SFI1: variants seen among roughly 807,000 people sequenced by gnomAD.
SFI1 encodes protein SFI1 homolog.
A neutral mutation model predicts 207.5 loss-of-function variants in SFI1; 195 were observed. That is an observed-to-expected ratio of 0.94 (90% confidence interval 0.84 to 1.06). The LOEUF (loss-of-function observed/expected upper bound fraction) is 1.06. SFI1 is among the 50% of genes least tolerant of loss of function. The pLI is 0.00. For synonymous variants in SFI1, 630 were observed against 598.9 expected (o/e 1.05, Z -0.76); for missense variants, 1,634 against 1,588.0 (o/e 1.03, Z -0.49).
intron 24 of SFI1, chr22:31,612,075 T>C: frequency 8.0e-7 from 1 of 1,246,286 alleles, no homozygotes; most frequent in Non-Finnish European, 1.0e-6. Flanking sequence ...TACAGTGTTG[T>C]ATTAAAAAAT....
At chr22:31,555,266 T>C (rs2148122520) in intron 6 of SFI1, among the ~76,000 whole-genome samples, 1 of 152,194 alleles carries the variant, frequency 6.6e-6, no homozygotes. Context: ...GGTGGGAAGA[T>C]TGCTTGGGCC....
At position 31,556,928 on chromosome 22, in the gene SFI1, T is replaced by C. The variant is rs1313797920; in HGVS notation, c.545-14T>C. 6.4e-7 allele frequency: 1 copy of C among 1,571,520 alleles called. No homozygotes were observed. Among genetic ancestry groups the C allele is most frequent in the Admixed American group, 1.8e-5 (1 of 55,618 alleles). On this transcript the variant is annotated splice_polypyrimidine_tract_variant and intron_variant, in intron 6 of 32. Coordinates refer to ENST00000400288, the MANE Select transcript of SFI1 (RefSeq NM_001007467.3). ...CTCCCCATGCCTTTTGAAAAATCTC[T>C]TTGGTGAATCTAGATGCAAAGCAAA... is the stretch of plus-strand genomic sequence containing the variant.
chr22:31,533,897 T>C (rs1430742631), intron 4 of SFI1, among the ~76,000 whole-genome samples: 4 of 152,196 alleles, frequency 2.6e-5, no homozygotes, highest in Non-Finnish European at 5.9e-5. Flanking sequence ...GAAGTTATAT[T>C]CTGTTTTACT....
rs12166571 is a variant in SFI1 at position 31,545,569 on chromosome 22, A to T, written c.339-1292A>T. On this transcript the variant is annotated intron_variant, in intron 4 of 32. Coordinates refer to ENST00000400288, the MANE Select transcript of SFI1 (RefSeq NM_001007467.3). ...TTTTTAATTTAATTTAATTTAATTT[A>T]ATTTAATTTAATTTAATTTTATTTT... is the stretch of plus-strand genomic sequence containing the variant. Among the ~76,000 whole-genome samples the T allele has an allele frequency of 9.8e-4, 91 of 92,622 alleles. No homozygotes were observed. In the East Asian group the frequency reaches 0.032, roughly 33 times the overall value. 60.8% of individuals were successfully genotyped at this position (92,622 alleles called of 152,430 possible). A position where few individuals can be genotyped will look rare whatever the true frequency, so the allele number is the denominator to read the frequency against.
At position 31,575,227 on chromosome 22, in the gene SFI1, G is replaced by A. The variant is rs1379098092; in HGVS notation, c.923-4G>A. ...GTAGCACTTAAGTTATTTCTCTGTT[G>A]CAGAGATGGCTGAGCGATTCCATCA... On this transcript the variant is annotated splice_region_variant and splice_polypyrimidine_tract_variant and intron_variant, in intron 9 of 32. Coordinates refer to ENST00000400288, the MANE Select transcript of SFI1 (RefSeq NM_001007467.3). 7 of 1,604,792 alleles carry A rather than the reference G, an allele frequency of 4.4e-6. 1 individual carries two copies. The South Asian group carries it at 7.8e-5, about 18-fold the overall frequency.
chr22:31,522,968 A>G (rs993093157), intron 2 of SFI1, among the ~76,000 whole-genome samples: 2 of 152,080 alleles, frequency 1.3e-5, no homozygotes, highest in African/African-American at 4.8e-5. Flanking sequence ...TCCTTTTTAT[A>G]GCTCTATAAT....
In SFI1 at chr22:31,589,623, C is replaced by A. The variant is rs752568857; in HGVS notation, c.1544+46C>A. Reference sequence around the variant, plus strand: ...CTGCACTGGGGCAGGTGTTTCAAATCTAACTCTGACAACCACACAGCCCAT... The same window carrying A: ...CTGCACTGGGGCAGGTGTTTCAAATATAACTCTGACAACCACACAGCCCAT... On this transcript the variant is annotated intron_variant, in intron 15 of 32. Coordinates refer to ENST00000400288, the MANE Select transcript of SFI1 (RefSeq NM_001007467.3). The A allele has an allele frequency of 4.4e-6, 7 of 1,573,986 alleles. No individual in the cohort carries two copies. The South Asian group carries it at 8.2e-5, about 18-fold the overall frequency.
chr22:31,610,159 C>T (rs2069823527), intron 22 of SFI1, among the ~76,000 whole-genome samples: 1 of 152,116 alleles, frequency 6.6e-6, no homozygotes. Flanking sequence ...CCTTGGCAGG[C>T]CAAGGGTGGG....
intron 4 of SFI1, among the ~76,000 whole-genome samples, chr22:31,545,737 T>A (rs959459957): frequency 2.0e-5 from 3 of 150,576 alleles, no homozygotes; most frequent in Non-Finnish European, 4.4e-5. Context: ...TGCACCACCA[T>A]GCCTGGCTAA....
In SFI1 at chr22:31,613,450, G is replaced by C; in HGVS notation, c.2662G>C (p.Glu888Gln). Residue 888 changes from glutamate to glutamine, a missense_variant, in exon 26 of 33, where the codon GAG (glutamate) becomes CAG (glutamine). Glu to Gln is a conservative substitution (Grantham distance 29). Transcript: ENST00000400288. ...LQAYQGQLLQ[E>Q]GATRLLRFAA... is the part of the protein sequence containing the mutation. ...GGCCTACCAGGGGCAGCTCCTCCAGGAGGGTGCCACGCGGCTCCTGCGCTT... is the reference window on the plus strand; with the variant it reads ...GGCCTACCAGGGGCAGCTCCTCCAGCAGGGTGCCACGCGGCTCCTGCGCTT... The C allele has an allele frequency of 6.2e-7, 1 of 1,607,382 alleles. No individual in the cohort carries two copies. Among genetic ancestry groups the C allele is most frequent in the Non-Finnish European group, 8.5e-7 (1 of 1,179,596 alleles).
At chr22:31,591,520 C>G (rs1197456504) in intron 15 of SFI1, among the ~76,000 whole-genome samples, 1 of 150,560 alleles carries the variant, frequency 6.6e-6, no homozygotes, top group Non-Finnish European at 1.5e-5. Context: ...GGCAGAGGGG[C>G]TCCTCACTTC....
chr22:31,585,493 G>T (rs2078098092), intron 14 of SFI1, among the ~76,000 whole-genome samples: 1 of 152,208 alleles, frequency 6.6e-6, no homozygotes, highest in Non-Finnish European at 1.5e-5. Flanking sequence ...CTGCATCCCA[G>T]TGCTAAACAG....
chr22:31,580,838 C>T (rs182048338), intron 12 of SFI1, among the ~76,000 whole-genome samples: 4 of 151,898 alleles, frequency 2.6e-5, no homozygotes, highest in Admixed American at 1.3e-4. Flanking sequence ...TCACCATGCT[C>T]GGCCTTTTTA....
intron 1 of SFI1, among the ~76,000 whole-genome samples, chr22:31,503,028 C>T (rs1249288084): frequency 1.6e-5 from 2 of 125,660 alleles, no homozygotes; most frequent in Non-Finnish European, 1.6e-5. Context: ...GCACTGCAGC[C>T]TGGGCAACAA....
intron 3 of SFI1, 46 bp downstream of exon 3, chr22:31,528,909 T>A (rs546453795): frequency 6.5e-7 from 1 of 1,550,374 alleles, no homozygotes; most frequent in South Asian, 1.2e-5. Context: ...TTGCTTTTGT[T>A]CTCCTTTCTT....
At position 31,578,396 on chromosome 22, in the gene SFI1, G is replaced by A. The variant is rs1360142387; in HGVS notation, c.1099G>A (p.Ala367Thr). ...CTTCCTGGCAGACATGCTGCTGTGT[G>A]CAGAAGAAGCTGCCCAGTTTGAGAT... ...THWKHYMLLC[A>T]EEAAQFEMAE... The change falls in exon 11 of 33, where the codon GCA (alanine) becomes ACA (threonine). Residue 367 changes from alanine (A) to threonine (T), a missense_variant. Coordinates refer to ENST00000400288, the MANE Select transcript of SFI1 (RefSeq NM_001007467.3). 6.2e-7 allele frequency: 1 copy of A among 1,613,750 alleles called. No individual in the cohort carries two copies. Among genetic ancestry groups the A allele is most frequent in the South Asian group, 1.1e-5 (1 of 91,022 alleles).
chr22:31,588,768 G>T (rs2065367782), intron 14 of SFI1, among the ~76,000 whole-genome samples: 1 of 151,022 alleles, frequency 6.6e-6, no homozygotes, highest in South Asian at 2.1e-4. Flanking sequence ...AGCTGAGATT[G>T]TGCCACTGCA....
intron 2 of SFI1, among the ~76,000 whole-genome samples, chr22:31,524,071 G>A (rs1052831984): frequency 3.3e-5 from 5 of 151,494 alleles, no homozygotes; most frequent in African/African-American, 1.2e-4. Context: ...GCTTGGTGGC[G>A]TGCACCTGTA....
Position 31,617,119 on chromosome 22 carries a change from CAGGTGTTGCCTGGAG to C in SFI1, c.3512+47_3512+61del, listed in dbSNP as rs777716381. 2.5e-6 allele frequency: 4 copies of C among 1,605,042 alleles called. No homozygotes were observed. The Admixed American group carries it at 5.0e-5, about 20-fold the overall frequency. The stretch of plus-strand genomic sequence containing the variant: ...CGCCCTGCAGCCCTGGCTACAGGAG[CAGGTGTTGCCTGGAG>C]AGGTGGGCAGGCAGTTCCATTTCCC... On this transcript the variant is annotated intron_variant, in intron 31 of 32. Coordinates refer to ENST00000400288, the MANE Select transcript of SFI1 (RefSeq NM_001007467.3).
Sources: allele counts gnomAD v4.1 joint callset (sites outside exome capture counted in the v4.1 genomes callset), GRCh38; gene constraint gnomAD v4.1.1; transcripts MANE v1.5; gene names NCBI Gene and HGNC (gene_info 2026-07-23, HGNC 2026-07-21).